Variants in SPATA16 observed in about 807,000 individuals in gnomAD.
The protein encoded by SPATA16 is spermatogenesis-associated protein 16.
A neutral mutation model predicts 63.3 loss-of-function variants in SPATA16; 36 were observed. The observed-to-expected ratio is 0.57, with a 90% CI of 0.44 to 0.75. The LOEUF (loss-of-function observed/expected upper bound fraction) is 0.75. Ranked by LOEUF, SPATA16 falls within the 30% of genes least tolerant of loss-of-function variation. SPATA16 has a pLI of 0.00. For missense variants in SPATA16, 646 were observed against 679.3 expected, an observed-to-expected ratio of 0.95 and a Z score of 0.54; for synonymous variants, 203 against 216.7, an observed-to-expected ratio of 0.94 and a Z score of 0.56.
chr3:172,899,767 T>C (rs1369589743), intron 10 of SPATA16, among the ~76,000 whole-genome samples: 1 of 152,140 alleles, frequency 6.6e-6, no homozygotes, highest in Non-Finnish European at 1.5e-5. Flanking sequence ...GTTTTTGATA[T>C]ATCTTTTTGT....
intron 6 of SPATA16, among the ~76,000 whole-genome samples, chr3:172,942,654 C>G (rs1733183572): frequency 6.6e-6 from 1 of 151,968 alleles, no homozygotes; most frequent in Non-Finnish European, 1.5e-5. Flanking sequence ...ATTGTAGCAT[C>G]TAAAAGATAT....
intron 1 of SPATA16, among the ~76,000 whole-genome samples, chr3:173,121,596 A>G (rs1202212867): frequency 6.6e-6 from 1 of 151,992 alleles, no homozygotes; most frequent in Non-Finnish European, 1.5e-5. Flanking sequence ...TTTTCTTCCA[A>G]TAAATTCCCT....
chr3:173,109,286 A>G (rs944616287), intron 2 of SPATA16, among the ~76,000 whole-genome samples: 10 of 151,980 alleles, frequency 6.6e-5, no homozygotes, highest in African/African-American at 2.4e-4. Flanking sequence ...GGGGCTGCAT[A>G]CAAATAGGAA....
intron 2 of SPATA16, among the ~76,000 whole-genome samples, chr3:173,109,554 T>C (rs1457292926): frequency 6.6e-6 from 1 of 152,232 alleles, no homozygotes; most frequent in Admixed American, 6.5e-5. Context: ...CTCTCATCTA[T>C]GTATCTTAAA....
At chr3:172,940,429 T>G (rs1301664618) in intron 6 of SPATA16, among the ~76,000 whole-genome samples, 1 of 152,174 alleles carries the variant, frequency 6.6e-6, no homozygotes, top group African/African-American at 2.4e-5. Context: ...TGAGAAAATA[T>G]CCCAGAGATG....
At chr3:173,085,377 T>C (rs1464369611) in intron 2 of SPATA16, among the ~76,000 whole-genome samples, 1 of 152,208 alleles carries the variant, frequency 6.6e-6, no homozygotes, top group Non-Finnish European at 1.5e-5. Context: ...CCTGAGACTT[T>C]GCTGAATTTT....
chr3:173,092,714 G>A (rs1737252630), intron 2 of SPATA16, among the ~76,000 whole-genome samples: 2 of 152,246 alleles, frequency 1.3e-5, no homozygotes, highest in African/African-American at 2.4e-5. Flanking sequence ...ATTTTGGACT[G>A]TAAGATAATA....
chr3:172,967,939 G>C (rs1733955310), intron 5 of SPATA16, among the ~76,000 whole-genome samples: 1 of 152,132 alleles, frequency 6.6e-6, no homozygotes, highest in Non-Finnish European at 1.5e-5. Context: ...TGAAAATAAA[G>C]TGCACAATAA....
chr3:172,983,267 T>C (rs1734362669), intron 4 of SPATA16, among the ~76,000 whole-genome samples: 1 of 152,158 alleles, frequency 6.6e-6, no homozygotes, highest in Non-Finnish European at 1.5e-5. Flanking sequence ...TTTATTAATC[T>C]TCTTTTCCCT....
At chr3:172,965,287 A>T (rs1302574953) in intron 5 of SPATA16, among the ~76,000 whole-genome samples, 1 of 152,222 alleles carries the variant, frequency 6.6e-6, no homozygotes, top group East Asian at 1.9e-4. Flanking sequence ...CCATTATGCT[A>T]TGCTGACTTG....
At chr3:173,088,626 GA>G (rs1203816844) in intron 2 of SPATA16, among the ~76,000 whole-genome samples, 3 of 151,910 alleles carry the variant, frequency 2.0e-5, no homozygotes, top group African/African-American at 7.3e-5. Context: ...AGACATGCTG[GA>G]AAAAAATCAG....
At chr3:173,101,557 T>C (rs536251447) in intron 2 of SPATA16, among the ~76,000 whole-genome samples, 1 of 152,282 alleles carries the variant, frequency 6.6e-6, no homozygotes, top group Admixed American at 6.5e-5. Flanking sequence ...CTTCCAATTA[T>C]TTTCCCTCAT....
intron 3 of SPATA16, among the ~76,000 whole-genome samples, chr3:173,040,453 A>G (rs1005417822): frequency 1.3e-5 from 2 of 152,172 alleles, no homozygotes; most frequent in African/African-American, 4.8e-5. Context: ...CTCGTGATTT[A>G]AAAGTTGTGT....
chr3:172,987,746 C>T (rs762717234), intron 4 of SPATA16, among the ~76,000 whole-genome samples: 9 of 152,126 alleles, frequency 5.9e-5, no homozygotes, highest in Non-Finnish European at 1.2e-4. Flanking sequence ...AAATGTAAAG[C>T]AGTTGGAAAT....
At chr3:173,014,133 G>T (rs1338398512) in intron 4 of SPATA16, among the ~76,000 whole-genome samples, 1 of 152,098 alleles carries the variant, frequency 6.6e-6, no homozygotes, top group African/African-American at 2.4e-5. Context: ...ACATACACTT[G>T]TATGTTCATT....
chr3:173,039,986 C>T (rs754831120), intron 3 of SPATA16, among the ~76,000 whole-genome samples: 1 of 152,030 alleles, frequency 6.6e-6, no homozygotes, highest in Non-Finnish European at 1.5e-5. Context: ...CAGAACATGC[C>T]TATGATTAAA....
intron 2 of SPATA16, among the ~76,000 whole-genome samples, chr3:173,060,745 T>G (rs531722197): frequency 6.6e-6 from 1 of 152,338 alleles, no homozygotes; most frequent in Admixed American, 6.5e-5. Flanking sequence ...GAAGGTTCTC[T>G]GTATCATGCT....
intron 3 of SPATA16, among the ~76,000 whole-genome samples, chr3:173,035,452 T>C (rs907744251): frequency 1.9e-4 from 29 of 152,078 alleles, no homozygotes; most frequent in African/African-American, 7.0e-4. Context: ...TGATAGAGGA[T>C]GATGGTAAGC....
rs548623623 is a variant in SPATA16, at chr3:173,066,071, G to A, written c.613-16977C>T. ...AATCCAGGCAGTGCTCCTTCCACTT[G>A]GGGGAAGGAGAAAGAAGAGTGCAGT... On this transcript the variant is annotated intron_variant, in intron 2 of 10. Transcript: ENST00000351008. Among the ~76,000 whole-genome samples, 28 of 152,070 alleles carry A rather than the reference G, an allele frequency of 1.8e-4. No individual in the cohort carries two copies. In the East Asian group the frequency reaches 5.0e-3, roughly 27 times the overall value.
Sources: gnomAD v4.1 joint callset for allele counts (sites outside exome capture counted in the v4.1 genomes callset) on GRCh38, gnomAD v4.1.1 for gene constraint, MANE v1.5 for transcripts, NCBI Gene and HGNC (gene_info 2026-07-23, HGNC 2026-07-21) for gene names.